JAM3: variants seen among roughly 807,000 people sequenced by gnomAD.
JAM3 encodes junctional adhesion molecule C.
JAM3 carries 31 observed loss-of-function variants against 39.4 expected under a neutral mutation model. That is an observed-to-expected ratio of 0.79 (90% CI 0.59 to 1.06). The LOEUF is 1.06. Among genes scored for constraint, JAM3 ranks in the 50% least tolerant of loss-of-function variants. The probability of loss-of-function intolerance (pLI) is 0.00; values close to 1 mark genes in which losing one functional copy is unlikely to be tolerated. For synonymous variants in JAM3, 182 were observed against 148.7 expected, an observed-to-expected ratio of 1.22 and a Z score of -1.63; for missense variants, 455 against 391.4, an observed-to-expected ratio of 1.16 and a Z score of -1.37.
At chr11:134,099,669 C>T (rs988878943) in intron 1 of JAM3, among the ~76,000 whole-genome samples, 20 of 152,134 alleles carry the variant, frequency 1.3e-4, no homozygotes, top group Non-Finnish European at 2.2e-4. Flanking sequence ...TGCAATGGTG[C>T]GATCTTGGGT....
chr11:134,123,915 A>T (rs1942587390), intron 1 of JAM3: 3 of 1,163,002 alleles, frequency 2.6e-6, no homozygotes, highest in Non-Finnish European at 3.9e-6. Context: ...TTTGGAATTG[A>T]AGGCCCCCCT....
intron 1 of JAM3, among the ~76,000 whole-genome samples, chr11:134,110,238 A>C (rs1399266855): frequency 6.6e-6 from 1 of 152,182 alleles, no homozygotes; most frequent in Non-Finnish European, 1.5e-5. Context: ...TGGTAAGACC[A>C]ATTTGGAAAA....
At chr11:134,142,386 T>C (rs1191099662) in intron 3 of JAM3, among the ~76,000 whole-genome samples, 1 of 152,176 alleles carries the variant, frequency 6.6e-6, no homozygotes, top group Non-Finnish European at 1.5e-5. Context: ...ATAACAAAGC[T>C]TCCCATTCGA....
At chr11:134,082,160 A>C (rs1272221185) in intron 1 of JAM3, among the ~76,000 whole-genome samples, 1 of 152,222 alleles carries the variant, frequency 6.6e-6, no homozygotes. Flanking sequence ...AATTTCTCCC[A>C]TTTGGAATGG....
chr11:134,138,351 G>A lies in JAM3; in HGVS notation c.77-1500G>A, dbSNP rs572830875. Among the ~76,000 whole-genome samples the A allele has an allele frequency of 2.1e-5, 3 of 146,242 alleles. No individual in the cohort carries two copies. In the South Asian group the frequency reaches 6.5e-4, roughly 32 times the overall value. On this transcript the variant is annotated intron_variant, in intron 1 of 8. Coordinates refer to ENST00000299106, the MANE Select transcript of JAM3 (RefSeq NM_032801.5). The stretch of plus-strand genomic sequence containing the variant: ...CGAAGTCGTGGTGCTCATGCTGAGA[G>A]AAATGTTTATGGCCACTAGTCCCTT...
At chr11:134,094,977 G>T (rs1376718831) in intron 1 of JAM3, among the ~76,000 whole-genome samples, 1 of 152,202 alleles carries the variant, frequency 6.6e-6, no homozygotes, top group Admixed American at 6.5e-5. Context: ...TATGTAACAC[G>T]TATGTTAAAA....
chr11:134,140,058 G>C (rs1055038500), intron 2 of JAM3, 142 bp downstream of exon 2: 2 of 717,418 alleles, frequency 2.8e-6, no homozygotes, highest in Non-Finnish European at 5.0e-6. Flanking sequence ...CACAGGCCTG[G>C]AAGCATGGCA....
At chr11:134,070,456 G>C (rs1329063895) in intron 1 of JAM3, among the ~76,000 whole-genome samples, 1 of 152,204 alleles carries the variant, frequency 6.6e-6, no homozygotes, top group Non-Finnish European at 1.5e-5. Flanking sequence ...ATGCTAATGG[G>C]ATGCTCGTGA....
chr11:134,144,811 C>G lies in JAM3; in HGVS notation c.429C>G (p.Val143=). Residue 143 remains valine (V), a synonymous_variant, in exon 5 of 9, where the codon GTC becomes GTG. Transcript: ENST00000299106. ...CCACAGTGAAGCCAGTGACCCCTGT[C>G]TGTAGAGTGCCGAAGGCTGTACCAG... is the stretch of plus-strand genomic sequence containing the variant. ...LTVQVKPVTP[V]CRVPKAVPVG... 1 of 1,614,138 alleles carries G rather than the reference C, an allele frequency of 6.2e-7. No individual in the cohort carries two copies.
chr11:134,088,973 C>T (rs577965232), intron 1 of JAM3, among the ~76,000 whole-genome samples: 1 of 152,130 alleles, frequency 6.6e-6, no homozygotes, highest in African/African-American at 2.4e-5. Flanking sequence ...TAAGGGCAGT[C>T]GGAATGGATG....
Position 134,145,007 on chromosome 11 carries a change from C to T in JAM3, c.612+13C>T, listed in dbSNP as rs772858886. 5 of 1,594,054 alleles carry T rather than the reference C, an allele frequency of 3.1e-6. No homozygotes were observed. The East Asian group carries it at 8.9e-5, about 28-fold the overall frequency. On this transcript the variant is annotated intron_variant, in intron 5 of 8. Coordinates refer to ENST00000299106, the MANE Select transcript of JAM3 (RefSeq NM_032801.5). ...AACAGGCACTTTGGTAAGATCTCTT[C>T]TAAGAGGTGAGGATGGAGATGTCTT...
intron 1 of JAM3, among the ~76,000 whole-genome samples, chr11:134,106,742 C>T (rs1191968977): frequency 6.6e-6 from 1 of 152,222 alleles, no homozygotes; most frequent in Non-Finnish European, 1.5e-5. Context: ...TGCTCATCAT[C>T]ACTGGCCATC....
chr11:134,141,658 C>T (rs1942974367), intron 3 of JAM3, among the ~76,000 whole-genome samples: 1 of 152,054 alleles, frequency 6.6e-6, no homozygotes, highest in Non-Finnish European at 1.5e-5. Context: ...AGTCAGAGGC[C>T]TTCTGCAGAG....
Position 134,104,633 on chromosome 11 carries a change from G to A in JAM3, c.77-35218G>A, listed in dbSNP as rs540198559. Among the ~76,000 whole-genome samples, 6 of 152,098 alleles carry A rather than the reference G, an allele frequency of 3.9e-5. No individual in the cohort carries two copies. The East Asian group carries it at 1.2e-3, about 29-fold the overall frequency. On this transcript the variant is annotated intron_variant, in intron 1 of 8. Coordinates refer to ENST00000299106, the MANE Select transcript of JAM3 (RefSeq NM_032801.5). Reference sequence around the variant, plus strand: ...CTAGCAAGACTAATAAGAAAAGAGAGAAGAATCAAATAGATGCAATAAAAA... The same window carrying A: ...CTAGCAAGACTAATAAGAAAAGAGAAAAGAATCAAATAGATGCAATAAAAA...
intron 1 of JAM3, among the ~76,000 whole-genome samples, chr11:134,118,175 G>T (rs1346171594): frequency 6.6e-6 from 1 of 152,182 alleles, no homozygotes; most frequent in Admixed American, 6.5e-5. Flanking sequence ...CATGTTCTGT[G>T]TTTAGTCATA....
At chr11:134,124,236 G>GA in intron 1 of JAM3, 6 of 1,269,648 alleles carry the variant, frequency 4.7e-6, no homozygotes, top group Non-Finnish European at 6.9e-6. Context: ...AAGTTCCTCT[G>GA]GGAACTCGTT....
At chr11:134,104,054 C>T (rs1425562871) in intron 1 of JAM3, among the ~76,000 whole-genome samples, 2 of 152,224 alleles carry the variant, frequency 1.3e-5, no homozygotes, top group Admixed American at 1.3e-4. Flanking sequence ...ACAGAATATA[C>T]ATTCTTCTCA....
At chr11:134,144,163 T>A in intron 3 of JAM3, 78 bp from the exon 4 acceptor site, 1 of 1,450,696 alleles carries the variant, frequency 6.9e-7, no homozygotes, top group Non-Finnish European at 9.7e-7. Context: ...CATCTAGTGC[T>A]AGCCCCAGAA....
rs748659989 is a variant in JAM3 at position 134,074,043 on chromosome 11, TAAG to T, written c.76+4888_76+4890del. 3.3e-5 allele frequency among the ~76,000 whole-genome samples: 5 copies of T among 152,192 alleles called. No homozygotes were observed. The East Asian group carries it at 5.8e-4, about 18-fold the overall frequency. The stretch of plus-strand genomic sequence containing the variant: ...ATCTGCTTTTGTGCAGTTACAAGGT[TAAG>T]AAGGAGAAAAAGATGGAGAAATGCT... On this transcript the variant is annotated intron_variant, in intron 1 of 8. Coordinates refer to ENST00000299106, the MANE Select transcript of JAM3 (RefSeq NM_032801.5).
Sources: gnomAD v4.1 joint callset for allele counts (sites outside exome capture counted in the v4.1 genomes callset) on GRCh38, gnomAD v4.1.1 for gene constraint, MANE v1.5 for transcripts, NCBI Gene and HGNC (gene_info 2026-07-23, HGNC 2026-07-21) for gene names.